The following PRKDC variants were observed in gnomAD, a reference collection of about 807,000 sequenced individuals.
PRKDC encodes protein kinase, DNA-activated, catalytic subunit, also known as DNA-dependent protein kinase catalytic subunit.
Under a neutral mutation model 486.9 loss-of-function variants are expected in PRKDC, and 82 were observed. That is an observed-to-expected ratio of 0.17 (90% CI 0.14 to 0.20). PRKDC has a LOEUF of 0.20. PRKDC is among the 10% of genes least tolerant of loss of function. The pLI is 1.00. For synonymous variants in PRKDC, 1,895 were observed against 1,837.0 expected, an observed-to-expected ratio of 1.03 and a Z score of -0.81; for missense variants, 4,504 against 5,038.2, an observed-to-expected ratio of 0.89 and a Z score of 3.21.
intron 40 of PRKDC, among the ~76,000 whole-genome samples, chr8:47,874,612 A>G (rs190147751): frequency 6.6e-6 from 1 of 151,948 alleles, no homozygotes; most frequent in Non-Finnish European, 1.5e-5. Context: ...ACAAAGAATT[A>G]CCCAAGTGTG....
At position 47,777,997 on chromosome 8, in the gene PRKDC, C is replaced by T. The variant is rs8178252; in HGVS notation, c.11854-123G>A. 7,078 of 932,990 alleles carry T rather than the reference C, an allele frequency of 7.6e-3. 43 individuals are homozygous for T. The highest frequency in any genetic ancestry group is 9.4e-3 in the Non-Finnish European group (5,788 of 615,856). The allele number at this position is 932,990 out of a possible 1,614,324, so 57.8% of individuals were successfully genotyped here. On this transcript the variant is annotated intron_variant, in intron 83 of 85. Transcript: ENST00000314191. ...TTAGTAAAAATACAGACTCTGCTTC[C>T]CTTGAAATCAGCTACACAGATGTGA...
chr8:47,924,705 T>A (rs1033179143), intron 21 of PRKDC, among the ~76,000 whole-genome samples: 7 of 151,840 alleles, frequency 4.6e-5, no homozygotes, highest in African/African-American at 9.7e-5. Flanking sequence ...AAACACACAC[T>A]CTCTCTCTCT....
intron 35 of PRKDC, among the ~76,000 whole-genome samples, chr8:47,887,197 T>C (rs963930731): frequency 6.6e-6 from 1 of 152,106 alleles, no homozygotes; most frequent in African/African-American, 2.4e-5. Flanking sequence ...GGGATTATCC[T>C]TCAGAGGCCC....
At chr8:47,899,027 G>T (rs570110529) in intron 28 of PRKDC, among the ~76,000 whole-genome samples, 1 of 152,180 alleles carries the variant, frequency 6.6e-6, no homozygotes, top group Non-Finnish European at 1.5e-5. Flanking sequence ...GATAAACTAC[G>T]GTATCGTTTG....
Position 47,914,009 on chromosome 8 carries a change from C to T in PRKDC, c.2673G>A (p.Arg891=). Reference sequence around the variant, plus strand: ...CTCTAAAGGGCACTGCAAAGCTCAGCCGCTTCTCTCTGTCCCAGGCCACAT... The same window carrying T: ...CTCTAAAGGGCACTGCAAAGCTCAGTCGCTTCTCTCTGTCCCAGGCCACAT... ...KSYVAWDREK[R]LSFAVPFREM... Residue 891 remains arginine, a synonymous_variant, in exon 24 of 86, where the codon CGG becomes CGA. Transcript: ENST00000314191. 6.2e-7 allele frequency: 1 copy of T among 1,600,562 alleles called. No individual in the cohort carries two copies. The highest frequency in any genetic ancestry group is 1.1e-5 in the South Asian group (1 of 88,430).
intron 25 of PRKDC, among the ~76,000 whole-genome samples, chr8:47,906,758 C>T (rs191413583): frequency 7.9e-5 from 12 of 151,468 alleles, no homozygotes; most frequent in Non-Finnish European, 1.2e-4. Flanking sequence ...TTATTCCCCA[C>T]GGTTATTGAG....
At chr8:47,863,716 G>A in intron 41 of PRKDC, 139 bp from the exon 42 acceptor site, 1 of 677,408 alleles carries the variant, frequency 1.5e-6, no homozygotes, top group East Asian at 2.9e-5. Flanking sequence ...ACTTCAATAA[G>A]AAAGCATGCA....
chr8:47,806,740 G>A (rs958369390), intron 69 of PRKDC, among the ~76,000 whole-genome samples: 5 of 152,140 alleles, frequency 3.3e-5, no homozygotes, highest in African/African-American at 7.2e-5. Flanking sequence ...TTTTGTTAAC[G>A]ATCAAACTTG....
At chr8:47,839,918 AGTGACCTGTGTTT>A in intron 55 of PRKDC, 85 bp downstream of exon 55, 2 of 935,914 alleles carry the variant, frequency 2.1e-6, no homozygotes, top group Non-Finnish European at 3.1e-6. Flanking sequence ...TTGAGACTGC[AGTGACCTGTGTTT>A]GTGCCCCTGT....
At chr8:47,885,885 C>CTG in intron 36 of PRKDC, 59 bp downstream of exon 36, 2 of 1,532,490 alleles carry the variant, frequency 1.3e-6, no homozygotes, top group Non-Finnish European at 1.8e-6. Context: ...GTGCAAGACT[C>CTG]TGTCTCAAAC....
intron 7 of PRKDC, among the ~76,000 whole-genome samples, chr8:47,945,925 T>C (rs979928873): frequency 5.9e-5 from 9 of 151,964 alleles, no homozygotes; most frequent in Non-Finnish European, 8.8e-5. Context: ...GGTTTCACTA[T>C]CTTGGCCAAG....
At chr8:47,859,553 T>C in intron 46 of PRKDC, 58 bp downstream of exon 46, 2 of 1,570,734 alleles carry the variant, frequency 1.3e-6, no homozygotes, top group Non-Finnish European at 1.7e-6. Flanking sequence ...GGCATAGCTG[T>C]GACCCCCTTT....
At chr8:47,950,065 A>G (rs1262511386) in intron 7 of PRKDC, among the ~76,000 whole-genome samples, 1 of 151,844 alleles carries the variant, frequency 6.6e-6, no homozygotes, top group Non-Finnish European at 1.5e-5. Flanking sequence ...TGAGGTCAGG[A>G]GTTGGAGACC....
chr8:47,867,094 G>A (rs1310908802), intron 40 of PRKDC, among the ~76,000 whole-genome samples: 1 of 152,018 alleles, frequency 6.6e-6, no homozygotes, highest in Non-Finnish European at 1.5e-5. Context: ...CATTGGCAAA[G>A]GGCTACTTTA....
At chr8:47,810,907 A>G (rs921222612) in intron 68 of PRKDC, among the ~76,000 whole-genome samples, 12 of 152,222 alleles carry the variant, frequency 7.9e-5, no homozygotes, top group Non-Finnish European at 1.8e-4. Flanking sequence ...AAAAAAGACA[A>G]TAAAAATGAA....
At chr8:47,864,983 T>C (rs2088774067) in intron 40 of PRKDC, among the ~76,000 whole-genome samples, 1 of 152,224 alleles carries the variant, frequency 6.6e-6, no homozygotes, top group Non-Finnish European at 1.5e-5. Context: ...AACATGGGCA[T>C]TAAAAAGAAG....
At chr8:47,796,606 GTTGT>G (rs2086990758) in intron 73 of PRKDC, among the ~76,000 whole-genome samples, 1 of 149,520 alleles carries the variant, frequency 6.7e-6, no homozygotes, top group Non-Finnish European at 1.5e-5. Context: ...TTTTGTTGTT[GTTGT>G]TTTTTTTGAG....
chr8:47,849,017 C>T, intron 54 of PRKDC, 137 bp downstream of exon 54: 3 of 1,174,332 alleles, frequency 2.6e-6, no homozygotes, highest in South Asian at 1.6e-5. Context: ...GGTGCCTTCA[C>T]CTTTTCTTCA....
intron 5 of PRKDC, 132 bp downstream of exon 5, chr8:47,954,206 T>C (rs1428884854): frequency 2.1e-6 from 1 of 475,178 alleles, no homozygotes; most frequent in African/African-American, 2.0e-5. Context: ...TGGTTCCATT[T>C]TGGTTTATTT....
Sources: gnomAD v4.1 joint callset for allele counts (sites outside exome capture counted in the v4.1 genomes callset) on GRCh38, gnomAD v4.1.1 for gene constraint, MANE v1.5 for transcripts, NCBI Gene and HGNC (gene_info 2026-07-23, HGNC 2026-07-21) for gene names.